MAGT1: variants seen among roughly 807,000 people sequenced by gnomAD.
MAGT1 encodes dolichyl-diphosphooligosaccharide--protein glycosyltransferase subunit MAGT1.
Under a neutral mutation model 28.4 loss-of-function variants are expected in MAGT1, and 4 were observed. That is an observed-to-expected ratio of 0.14 (90% confidence interval 0.07 to 0.32). The LOEUF is 0.32. Among genes scored for constraint, MAGT1 ranks in the 10% least tolerant of loss-of-function variants. The pLI, the probability that MAGT1 is intolerant of heterozygous loss-of-function variation, is 1.00. For missense variants in MAGT1, 193 were observed against 264.5 expected, an observed-to-expected ratio of 0.73 and a Z score of 1.88; for synonymous variants, 89 against 89.7, an observed-to-expected ratio of 0.99 and a Z score of 0.04.
chrX:77,850,083 A>C (rs1557215381), intron 7 of MAGT1, among the ~76,000 whole-genome samples: 1 of 111,325 alleles, frequency 9.0e-6, no homozygotes, highest in Non-Finnish European at 1.9e-5. Context: ...ATTTTCCAAA[A>C]TCATAACTAC....
At chrX:77,865,701 T>C (rs1431654079) in intron 3 of MAGT1, among the ~76,000 whole-genome samples, 3 of 111,799 alleles carry the variant, frequency 2.7e-5, no homozygotes, top group Non-Finnish European at 5.6e-5. Context: ...GATATAACAA[T>C]ACAAGAAAAG....
chrX:77,865,666 T>C (rs1557216844), intron 3 of MAGT1, among the ~76,000 whole-genome samples: 1 of 111,569 alleles, frequency 9.0e-6, no homozygotes, highest in Admixed American at 9.7e-5. Flanking sequence ...TGTGGATAAA[T>C]GTATAACAGA....
intron 8 of MAGT1, among the ~76,000 whole-genome samples, chrX:77,835,954 C>A (rs1204778193): frequency 3.6e-5 from 4 of 110,702 alleles, no homozygotes; most frequent in African/African-American, 1.3e-4. Context: ...CAGGTGTGCA[C>A]CACTACGCCC....
intron 1 of MAGT1, among the ~76,000 whole-genome samples, chrX:77,893,825 C>T (rs2077090991): frequency 9.1e-6 from 1 of 110,006 alleles, no homozygotes; most frequent in African/African-American, 3.3e-5. Context: ...ATCACTAGAG[C>T]CCAGGAAGTC....
chrX:77,856,683 C>A (rs781934457), intron 5 of MAGT1, 50 bp downstream of exon 5: 2 of 1,131,048 alleles, frequency 1.8e-6, no homozygotes, highest in East Asian at 6.0e-5. Context: ...TAAAAATACA[C>A]TATTAGGAAT....
At chrX:77,847,609 CTTTTTTTTTTTT>C (rs782595247) in intron 7 of MAGT1, among the ~76,000 whole-genome samples, 2 of 93,076 alleles carry the variant, frequency 2.1e-5, no homozygotes, top group Admixed American at 2.3e-4. Flanking sequence ...TCATTTCTTT[CTTTTTTTTTTTT>C]TTTTTTTGAG....
chrX:77,876,446 G>T (rs1557217850), intron 1 of MAGT1, among the ~76,000 whole-genome samples: 1 of 109,704 alleles, frequency 9.1e-6, no homozygotes, highest in East Asian at 2.8e-4. Context: ...TGAAAATCTT[G>T]AAAATAAAGA....
rs2076885022 is a variant in MAGT1 at position 77,827,304 on chromosome X, C to T, written c.*1916G>A. The T allele has an allele frequency of 9.0e-6, 1 of 111,385 alleles. No homozygotes were observed. The highest frequency in any genetic ancestry group is 1.9e-5 in the Non-Finnish European group (1 of 53,087). 9.2% of individuals were successfully genotyped at this position (111,385 alleles called of 1,213,427 possible). A position where few individuals can be genotyped will look rare whatever the true frequency, so the allele number is the denominator to read the frequency against. On this transcript the variant is annotated 3_prime_UTR_variant, in exon 10 of 10. Coordinates refer to ENST00000618282, the MANE Select transcript of MAGT1 (RefSeq NM_001367916.1). ...TTCAAATTGGTACTTTGTTTCTCCA[C>T]CTAAAGGAAGAGAATAAAGACTAAA...
intron 1 of MAGT1, among the ~76,000 whole-genome samples, chrX:77,894,501 G>A (rs1185545899): frequency 4.5e-5 from 5 of 111,812 alleles, no homozygotes; most frequent in African/African-American, 1.6e-4. Flanking sequence ...ACTGACGTAG[G>A]GTTTGAGTCC....
At chrX:77,838,571 A>G (rs2076926328) in intron 8 of MAGT1, among the ~76,000 whole-genome samples, 1 of 110,367 alleles carries the variant, frequency 9.1e-6, no homozygotes, top group Non-Finnish European at 1.9e-5. Flanking sequence ...CAGCCTGGCC[A>G]ACATGGTGAA....
chrX:77,851,898 C>T, intron 7 of MAGT1, among the ~76,000 whole-genome samples: 1 of 110,013 alleles, frequency 9.1e-6, no homozygotes, highest in Non-Finnish European at 1.9e-5. Context: ...TCTTCCCCCG[C>T]CCCGCCGCCC....
At chrX:77,841,417 T>C (rs1557214393) in intron 7 of MAGT1, 97 bp from the exon 8 acceptor site, 1 of 614,902 alleles carries the variant, frequency 1.6e-6, no homozygotes, top group Non-Finnish European at 2.7e-6. Flanking sequence ...AATGAATATA[T>C]AAACCTTCAA....
chrX:77,850,257 C>T (rs1316414771), intron 7 of MAGT1, among the ~76,000 whole-genome samples: 2 of 109,985 alleles, frequency 1.8e-5, no homozygotes, highest in Admixed American at 9.8e-5. Context: ...GGGTGGATCA[C>T]CTGAGGTCAG....
At chrX:77,881,799 C>G (rs1445769066) in intron 1 of MAGT1, among the ~76,000 whole-genome samples, 1 of 110,977 alleles carries the variant, frequency 9.0e-6, no homozygotes, top group Non-Finnish European at 1.9e-5. Context: ...ATGGCTGGGT[C>G]AAATGGTATT....
chrX:77,856,558 C>A, intron 5 of MAGT1, 175 bp downstream of exon 5: 1 of 466,085 alleles, frequency 2.1e-6, no homozygotes, highest in Non-Finnish European at 3.6e-6. Context: ...TCTGGCCATC[C>A]TTATGAGATA....
At chrX:77,833,994 C>T (rs1557213607) in intron 8 of MAGT1, among the ~76,000 whole-genome samples, 1 of 108,901 alleles carries the variant, frequency 9.2e-6, no homozygotes, top group Non-Finnish European at 1.9e-5. Flanking sequence ...ACAGTGAACT[C>T]ATTTTCAACA....
intron 3 of MAGT1, among the ~76,000 whole-genome samples, chrX:77,858,684 C>T (rs1229119762): frequency 9.0e-6 from 1 of 111,254 alleles, no homozygotes; most frequent in Non-Finnish European, 1.9e-5. Context: ...ATAGATTACT[C>T]CTTTGGTTAC....
At chrX:77,858,339 T>C (rs2076986366) in intron 3 of MAGT1, among the ~76,000 whole-genome samples, 1 of 110,640 alleles carries the variant, frequency 9.0e-6, no homozygotes, top group Non-Finnish European at 1.9e-5. Context: ...TACAGGTATG[T>C]GCCACCACAC....
chrX:77,826,282 C>T lies in MAGT1; in HGVS notation c.*2938G>A, dbSNP rs1463168070. ...ATTTAAATTAATTTAATTATAACTT[C>T]AAAATGTAAAATCCTAATTTTACAA... On this transcript the variant is annotated 3_prime_UTR_variant, in exon 10 of 10. Coordinates refer to ENST00000618282, the MANE Select transcript of MAGT1 (RefSeq NM_001367916.1). 8.9e-6 allele frequency: 1 copy of T among 112,013 alleles called. No individual in the cohort carries two copies. Among genetic ancestry groups the T allele is most frequent in the African/African-American group, 3.2e-5 (1 of 30,906 alleles). 9.2% of individuals were successfully genotyped at this position (112,013 alleles called of 1,213,427 possible). A position where few individuals can be genotyped will look rare whatever the true frequency, so the allele number is the denominator to read the frequency against.
Sources: gnomAD v4.1 joint callset for allele counts (sites outside exome capture counted in the v4.1 genomes callset) on GRCh38, gnomAD v4.1.1 for gene constraint, MANE v1.5 for transcripts, NCBI Gene and HGNC (gene_info 2026-07-23, HGNC 2026-07-21) for gene names.